The following CSMD1 variants were observed in gnomAD, a reference collection of about 807,000 sequenced individuals.
CSMD1 encodes CUB and sushi domain-containing protein 1.
In CSMD1, 213 loss-of-function variants were observed where a neutral mutation model predicts 417.5. The ratio of observed to expected loss-of-function variants is 0.51; its 90% CI spans 0.46 to 0.57. The LOEUF (loss-of-function observed/expected upper bound fraction) is 0.57, where lower values mean the gene tolerates loss of function less well. Ranked by LOEUF, CSMD1 falls within the 20% of genes least tolerant of loss-of-function variation. The pLI is 0.00. For synonymous variants in CSMD1, 2,862 were observed against 1,736.8 expected (o/e 1.65, Z -16.11); for missense variants, 6,923 against 4,529.7 (o/e 1.53, Z -15.17).
chr8:3,510,928 C>A lies in CSMD1; in HGVS notation c.1345-17202G>T, dbSNP rs559108468. Among the ~76,000 whole-genome samples the A allele has an allele frequency of 2.6e-5, 4 of 151,824 alleles. No homozygotes were observed. In the South Asian group the frequency reaches 8.3e-4, roughly 32 times the overall value. On this transcript the variant is annotated intron_variant, in intron 10 of 69. Transcript: ENST00000635120. ...TAGCCCTTCGTCAGAGATACATGCA[C>A]ACGTATGTTTACTGCAGCACTATTC...
At chr8:3,451,033 T>C (rs1815677153) in intron 12 of CSMD1, among the ~76,000 whole-genome samples, 1 of 152,212 alleles carries the variant, frequency 6.6e-6, no homozygotes, top group Admixed American at 6.5e-5. Context: ...GGTGTCTCAT[T>C]GTGGTTTTGA....
intron 3 of CSMD1, among the ~76,000 whole-genome samples, chr8:4,415,311 T>A (rs1156984312): frequency 6.6e-6 from 1 of 152,146 alleles, no homozygotes; most frequent in Non-Finnish European, 1.5e-5. Context: ...AAGACAGGCA[T>A]CTGTTTTTCT....
chr8:3,411,525 T>C (rs1812699066), intron 12 of CSMD1, among the ~76,000 whole-genome samples: 1 of 151,850 alleles, frequency 6.6e-6, no homozygotes, highest in South Asian at 2.1e-4. Context: ...CTCCCACTTA[T>C]GAGTGAGAAC....
At chr8:4,565,773 TA>T (rs1563291880) in intron 2 of CSMD1, among the ~76,000 whole-genome samples, 4 of 34,260 alleles carry the variant, frequency 1.2e-4, no homozygotes, top group African/African-American at 3.7e-4. Flanking sequence ...TATATATATA[TA>T]TATATATATA....
At chr8:3,612,204 G>C (rs1013014838) in intron 8 of CSMD1, among the ~76,000 whole-genome samples, 1 of 151,946 alleles carries the variant, frequency 6.6e-6, no homozygotes, top group African/African-American at 2.4e-5. Flanking sequence ...TGTTACTCAG[G>C]GTAAAGAAAG....
At chr8:3,016,416 T>C (rs912260526) in intron 52 of CSMD1, among the ~76,000 whole-genome samples, 1 of 152,212 alleles carries the variant, frequency 6.6e-6, no homozygotes, top group Non-Finnish European at 1.5e-5. Context: ...TGTGGACATA[T>C]GTTCTTGCTG....
intron 2 of CSMD1, among the ~76,000 whole-genome samples, chr8:4,426,413 A>C (rs973497420): frequency 6.7e-6 from 1 of 149,140 alleles, no homozygotes; most frequent in Admixed American, 6.7e-5. Flanking sequence ...TATACTATAT[A>C]TACAATATCA....
rs77691976 is a variant in CSMD1, at chr8:4,963,544, C to G, written c.85+30788G>C. On this transcript the variant is annotated intron_variant, in intron 1 of 69. Transcript: ENST00000635120. ...CCTAGAAATAGATTTACCTCCCTTACCTGCTTTTGTGTCTTTCCTATTGGT... is the reference window on the plus strand; with the variant it reads ...CCTAGAAATAGATTTACCTCCCTTAGCTGCTTTTGTGTCTTTCCTATTGGT... Among the ~76,000 whole-genome samples, 997 of 152,234 alleles carry G rather than the reference C, an allele frequency of 6.5e-3. 9 individuals carry two copies. Among genetic ancestry groups the G allele is most frequent in the African/African-American group, 0.023 (960 of 41,560 alleles).
chr8:3,770,168 C>T (rs1469873796), intron 5 of CSMD1, among the ~76,000 whole-genome samples: 12 of 152,232 alleles, frequency 7.9e-5, no homozygotes, highest in African/African-American at 1.4e-4. Flanking sequence ...CTATGCCACA[C>T]TCATACAGGT....
At chr8:3,241,057 G>A (rs964375675) in intron 26 of CSMD1, among the ~76,000 whole-genome samples, 1 of 148,540 alleles carries the variant, frequency 6.7e-6, no homozygotes, top group African/African-American at 2.5e-5. Flanking sequence ...TCATACTTGT[G>A]GGTTAAGGTG....
intron 10 of CSMD1, among the ~76,000 whole-genome samples, chr8:3,571,267 C>G (rs1477061081): frequency 6.6e-6 from 1 of 152,212 alleles, no homozygotes; most frequent in Non-Finnish European, 1.5e-5. Flanking sequence ...CCTGTGAATT[C>G]TAAATGTGCC....
At chr8:3,804,724 T>C (rs1800634670) in intron 5 of CSMD1, among the ~76,000 whole-genome samples, 1 of 152,326 alleles carries the variant, frequency 6.6e-6, no homozygotes, top group Non-Finnish European at 1.5e-5. Context: ...TTGTGTATGA[T>C]ATTTGCTTCA....
intron 3 of CSMD1, among the ~76,000 whole-genome samples, chr8:4,199,241 T>C (rs531665678): frequency 2.0e-5 from 3 of 152,320 alleles, no homozygotes; most frequent in South Asian, 4.1e-4. Flanking sequence ...ACCTAGCCTA[T>C]AGTGTGAACA....
chr8:3,820,398 G>C (rs769310579), intron 5 of CSMD1, among the ~76,000 whole-genome samples: 1 of 152,158 alleles, frequency 6.6e-6, no homozygotes, highest in Admixed American at 6.5e-5. Flanking sequence ...GACTAAAAGT[G>C]AGTCATATAC....
Position 4,195,987 on chromosome 8 carries a change from G to A in CSMD1, c.416-163888C>T, listed in dbSNP as rs181555541. 2.4e-3 allele frequency among the ~76,000 whole-genome samples: 368 copies of A among 152,162 alleles called. 2 individuals are homozygous for A. The highest frequency in any genetic ancestry group is 8.2e-3 in the African/African-American group (341 of 41,538). On this transcript the variant is annotated intron_variant, in intron 3 of 69. Coordinates refer to ENST00000635120, the MANE Select transcript of CSMD1 (RefSeq NM_033225.6). ...AACACTTTGGGGCACCGAGGTGAGC[G>A]GATCATGAGGTCATGCGATCGAGAC...
Position 4,255,521 on chromosome 8 carries a change from C to G in CSMD1, c.415+164432G>C, listed in dbSNP as rs545491504. 4.7e-4 allele frequency among the ~76,000 whole-genome samples: 71 copies of G among 152,232 alleles called. No homozygotes were observed. In the South Asian group the frequency reaches 0.014, roughly 31 times the overall value. The stretch of plus-strand genomic sequence containing the variant: ...AAATGTGCAATAGCAGTGGATTAAC[C>G]GGTTAAAAGTCGCAATCACTTTTGT... On this transcript the variant is annotated intron_variant, in intron 3 of 69. Coordinates refer to ENST00000635120, the MANE Select transcript of CSMD1 (RefSeq NM_033225.6).
chr8:3,519,411 T>C (rs573052703), intron 10 of CSMD1, among the ~76,000 whole-genome samples: 6 of 152,306 alleles, frequency 3.9e-5, no homozygotes, highest in South Asian at 2.1e-4. Flanking sequence ...AGTCTGGTAA[T>C]TGCATGCTGG....
chr8:3,967,040 G>C (rs980272549), intron 5 of CSMD1, among the ~76,000 whole-genome samples: 1 of 152,172 alleles, frequency 6.6e-6, no homozygotes, highest in Non-Finnish European at 1.5e-5. Flanking sequence ...CGTTTTAGTT[G>C]AGGTAATCCA....
At chr8:4,673,657 A>C (rs1028651730) in intron 1 of CSMD1, among the ~76,000 whole-genome samples, 2 of 152,132 alleles carry the variant, frequency 1.3e-5, no homozygotes, top group South Asian at 2.1e-4. Flanking sequence ...CCTCATTTAC[A>C]TCAACTCTGC....
Sources: gnomAD v4.1 joint callset for allele counts (sites outside exome capture counted in the v4.1 genomes callset) on GRCh38, gnomAD v4.1.1 for gene constraint, MANE v1.5 for transcripts, NCBI Gene and HGNC (gene_info 2026-07-23, HGNC 2026-07-21) for gene names.